TAS2R1: variants seen among roughly 807,000 people sequenced by gnomAD.
TAS2R1 encodes taste receptor type 2 member 1.
For synonymous variants in TAS2R1, 141 were observed against 134.2 expected (o/e 1.05, Z -0.35); for missense variants, 370 against 353.4 (o/e 1.05, Z -0.38).
chr5:9,751,830 C>T, the TAS2R1 span, among the ~76,000 whole-genome samples: 2 of 152,190 alleles, frequency 1.3e-5, no homozygotes, highest in Non-Finnish European at 2.9e-5. Flanking sequence ...AACTCAATGT[C>T]CTAAGGTACC....
chr5:9,689,406 ATTAGAAACCCTGAGAGGGT>A (rs1469308069), intron 1 of TAS2R1, among the ~76,000 whole-genome samples: 2 of 152,152 alleles, frequency 1.3e-5, no homozygotes, highest in African/African-American at 4.8e-5. Flanking sequence ...GACCTACTAA[ATTAGAAACCCTGAGAGGGT>A]TTAAAAATAA....
intron 1 of TAS2R1, among the ~76,000 whole-genome samples, chr5:9,711,639 A>G (rs1419715754): frequency 6.6e-6 from 1 of 152,156 alleles, no homozygotes; most frequent in Non-Finnish European, 1.5e-5. Flanking sequence ...TAAGAATTTG[A>G]TAAGAGAACA....
chr5:9,818,948 T>G, the TAS2R1 span, among the ~76,000 whole-genome samples: 1 of 152,156 alleles, frequency 6.6e-6, no homozygotes, highest in Admixed American at 6.5e-5. Flanking sequence ...ATCTTCCCAG[T>G]GGGACACAGG....
chr5:9,732,781 A>G, the TAS2R1 span, among the ~76,000 whole-genome samples: 1 of 152,232 alleles, frequency 6.6e-6, no homozygotes, highest in Non-Finnish European at 1.5e-5. Context: ...CCAATGGGAT[A>G]TGTATATAAA....
chr5:9,718,512 G>A, the TAS2R1 span, among the ~76,000 whole-genome samples: 4 of 151,650 alleles, frequency 2.6e-5, no homozygotes, highest in Non-Finnish European at 5.9e-5. Flanking sequence ...AAGAGGCTGG[G>A]TGCAGTGGCT....
At chr5:9,673,560 A>G (rs2126504548) in intron 1 of TAS2R1, among the ~76,000 whole-genome samples, 1 of 152,038 alleles carries the variant, frequency 6.6e-6, no homozygotes, top group South Asian at 2.1e-4. Flanking sequence ...AAATTCAAAC[A>G]AAGTATAAAA....
chr5:9,902,456 TA>T, the TAS2R1 span, among the ~76,000 whole-genome samples: 3 of 152,066 alleles, frequency 2.0e-5, no homozygotes, highest in Non-Finnish European at 2.9e-5. Context: ...TAATTTCTTC[TA>T]AAATTTGGCT....
chr5:9,898,388 C>T, the TAS2R1 span, among the ~76,000 whole-genome samples: 1 of 152,106 alleles, frequency 6.6e-6, no homozygotes, highest in Non-Finnish European at 1.5e-5. Context: ...AGAGGAAATT[C>T]TTTAAGAGAG....
the TAS2R1 span, among the ~76,000 whole-genome samples, chr5:9,855,318 G>A: frequency 3.7e-4 from 57 of 152,304 alleles, 2 homozygotes; most frequent in South Asian, 0.012. Flanking sequence ...ATCCGGCCAG[G>A]ATAACCTCTA....
At chr5:9,902,835 T>C in the TAS2R1 span, 1 of 151,704 alleles carries the variant, frequency 6.6e-6, no homozygotes, top group African/African-American at 2.4e-5. Context: ...AATTTTAATC[T>C]CATGGAGCTT....
chr5:9,636,303 C>A (rs1739963668), intron 2 of TAS2R1, among the ~76,000 whole-genome samples: 1 of 151,946 alleles, frequency 6.6e-6, no homozygotes, highest in South Asian at 2.1e-4. Flanking sequence ...CGAGAGTGTA[C>A]TTGATATAAT....
At chr5:9,634,744 C>G (rs949706497), upstream of TAS2R1, among the ~76,000 whole-genome samples, 2 of 151,996 alleles carry the variant, frequency 1.3e-5, no homozygotes, top group African/African-American at 4.8e-5. Flanking sequence ...TGTTTCTCAG[C>G]TTGCCCATTA....
the TAS2R1 span, among the ~76,000 whole-genome samples, chr5:9,863,555 G>A: frequency 3.9e-5 from 6 of 152,258 alleles, no homozygotes; most frequent in Admixed American, 6.5e-5. Flanking sequence ...GTGAGCCACC[G>A]CACCTAGCCA....
intron 1 of TAS2R1, among the ~76,000 whole-genome samples, chr5:9,683,780 C>A (rs368467915): frequency 6.6e-6 from 1 of 152,222 alleles, no homozygotes. Context: ...TGGAAACTTT[C>A]TCTTTCTCCT....
the TAS2R1 span, among the ~76,000 whole-genome samples, chr5:9,785,712 C>G: frequency 6.6e-6 from 1 of 152,116 alleles, no homozygotes; most frequent in Non-Finnish European, 1.5e-5. Flanking sequence ...TCTTACCAGC[C>G]CAAGGAGGTT....
the TAS2R1 span, among the ~76,000 whole-genome samples, chr5:9,887,992 T>C: frequency 6.6e-6 from 1 of 151,946 alleles, no homozygotes; most frequent in Admixed American, 6.5e-5. Context: ...TATACAGACC[T>C]AGGAACTCAG....
At chr5:9,851,828 C>G in the TAS2R1 span, among the ~76,000 whole-genome samples, 1 of 152,198 alleles carries the variant, frequency 6.6e-6, no homozygotes, top group Non-Finnish European at 1.5e-5. Context: ...AGACTTCAAG[C>G]TTTGCTGGTC....
chr5:9,746,248 T>C, the TAS2R1 span, among the ~76,000 whole-genome samples: 1 of 152,150 alleles, frequency 6.6e-6, no homozygotes, highest in Non-Finnish European at 1.5e-5. Context: ...ATGGCGATCA[T>C]TAAAAAGTCA....
At chr5:9,684,937 T>C (rs1259326697) in intron 1 of TAS2R1, among the ~76,000 whole-genome samples, 2 of 152,076 alleles carry the variant, frequency 1.3e-5, no homozygotes, top group African/African-American at 4.8e-5. Flanking sequence ...GAGCCTAAAG[T>C]ATCTGTGAGG....
Sources: allele counts gnomAD v4.1 joint callset (sites outside exome capture counted in the v4.1 genomes callset), GRCh38; gene constraint gnomAD v4.1.1; transcripts MANE v1.5; gene names NCBI Gene and HGNC (gene_info 2026-07-23, HGNC 2026-07-21).